Variants in MAP3K5 observed in about 807,000 individuals in gnomAD.
The protein encoded by MAP3K5 is ASK-1.
A neutral mutation model predicts 158.7 loss-of-function variants in MAP3K5; 56 were observed. The observed-to-expected ratio is 0.35, with a 90% confidence interval of 0.28 to 0.44. The LOEUF is 0.44. MAP3K5 is among the 20% of genes least tolerant of loss of function. The probability of loss-of-function intolerance (pLI) is 1.00; values close to 1 mark genes in which losing one functional copy is unlikely to be tolerated. For synonymous variants in MAP3K5, 579 were observed against 601.7 expected (o/e 0.96, Z 0.55); for missense variants, 1,294 against 1,674.8 (o/e 0.77, Z 3.97).
chr6:136,611,469 A>G, intron 17 of MAP3K5, 82 bp from the exon 18 acceptor site: 1 of 710,382 alleles, frequency 1.4e-6, no homozygotes, highest in South Asian at 1.9e-5. Context: ...CCAATTTAAA[A>G]AAAAAAAAGG....
intron 1 of MAP3K5, among the ~76,000 whole-genome samples, chr6:136,751,324 G>A (rs992802297): frequency 5.3e-5 from 8 of 152,192 alleles, no homozygotes; most frequent in Non-Finnish European, 1.0e-4. Flanking sequence ...AGATGGCACT[G>A]CTGTAGCCCA....
chr6:136,756,517 C>T lies in MAP3K5; in HGVS notation c.448+35193G>A, dbSNP rs1783495091. 1.3e-5 allele frequency among the ~76,000 whole-genome samples: 2 copies of T among 152,068 alleles called. 1 individual carries two copies. Among genetic ancestry groups the T allele is most frequent in the Admixed American group, 1.3e-4 (2 of 15,266 alleles). On this transcript the variant is annotated intron_variant, in intron 1 of 29. Coordinates refer to ENST00000359015, the MANE Select transcript of MAP3K5 (RefSeq NM_005923.4). ...AGGCTGGAGTGCAGTGGCGCAATCT[C>T]GGCTCACTGCAACCTCCGCCTCCCT... is the stretch of plus-strand genomic sequence containing the variant.
chr6:136,679,415 T>C (rs1272204240), intron 7 of MAP3K5, among the ~76,000 whole-genome samples: 1 of 152,212 alleles, frequency 6.6e-6, no homozygotes, highest in Non-Finnish European at 1.5e-5. Flanking sequence ...GACACAAAGG[T>C]AATTTAATTA....
intron 1 of MAP3K5, among the ~76,000 whole-genome samples, chr6:136,765,101 T>C (rs1396737050): frequency 2.6e-5 from 4 of 152,224 alleles, no homozygotes; most frequent in Non-Finnish European, 4.4e-5. Context: ...ATCAAATGTA[T>C]AAGACAGTAC....
chr6:136,602,129 T>C (rs1775905319), intron 19 of MAP3K5, 150 bp from the exon 20 acceptor site: 3 of 644,158 alleles, frequency 4.7e-6, no homozygotes, highest in East Asian at 2.7e-5. Flanking sequence ...AGATAAGATG[T>C]GTTTGCTGCA....
chr6:136,771,375 A>G (rs1312004111), intron 1 of MAP3K5, among the ~76,000 whole-genome samples: 1 of 152,164 alleles, frequency 6.6e-6, no homozygotes, highest in Admixed American at 6.5e-5. Flanking sequence ...GACCAGATTG[A>G]GGACTAGCTA....
intron 21 of MAP3K5, among the ~76,000 whole-genome samples, chr6:136,600,742 C>T (rs1048539572): frequency 6.6e-6 from 1 of 152,144 alleles, no homozygotes; most frequent in Non-Finnish European, 1.5e-5. Flanking sequence ...GCATTTACTT[C>T]ACTCAAATTG....
intron 17 of MAP3K5, 66 bp from the exon 18 acceptor site, chr6:136,611,453 G>T: frequency 1.1e-6 from 1 of 871,108 alleles, no homozygotes; most frequent in Non-Finnish European, 1.9e-6. Flanking sequence ...TGTTGACTTG[G>T]TAAGTCCAAT....
At chr6:136,771,278 A>G (rs1784189831) in intron 1 of MAP3K5, among the ~76,000 whole-genome samples, 1 of 152,172 alleles carries the variant, frequency 6.6e-6, no homozygotes, top group African/African-American at 2.4e-5. Context: ...CATTATTATT[A>G]TTATCATTAT....
chr6:136,599,741 T>C (rs1562535823), intron 21 of MAP3K5, among the ~76,000 whole-genome samples: 2 of 152,176 alleles, frequency 1.3e-5, no homozygotes, highest in East Asian at 1.9e-4. Context: ...AGAAGAAATA[T>C]GCATGTCCCA....
chr6:136,658,849 G>A (rs1778880966), intron 9 of MAP3K5, among the ~76,000 whole-genome samples: 1 of 152,184 alleles, frequency 6.6e-6, no homozygotes, highest in Admixed American at 6.5e-5. Context: ...GAAACAAAGG[G>A]CATATGTTTG....
intron 25 of MAP3K5, among the ~76,000 whole-genome samples, chr6:136,570,381 T>C (rs1368622218): frequency 6.6e-6 from 1 of 152,198 alleles, no homozygotes; most frequent in Non-Finnish European, 1.5e-5. Context: ...CTTTTTTATG[T>C]TTCTACTTTT....
chr6:136,783,677 G>A (rs1784715760), intron 1 of MAP3K5, among the ~76,000 whole-genome samples: 1 of 152,206 alleles, frequency 6.6e-6, no homozygotes, highest in Admixed American at 6.5e-5. Context: ...ACAGAAAGGG[G>A]AGCGTGTGAT....
intron 11 of MAP3K5, among the ~76,000 whole-genome samples, chr6:136,644,838 T>C (rs1265814637): frequency 1.3e-5 from 2 of 152,172 alleles, no homozygotes; most frequent in Non-Finnish European, 2.9e-5. Flanking sequence ...CTGTGTGAGG[T>C]GCTTCTTGGA....
intron 14 of MAP3K5, among the ~76,000 whole-genome samples, chr6:136,630,664 C>T (rs1777305438): frequency 6.6e-6 from 1 of 152,190 alleles, no homozygotes; most frequent in African/African-American, 2.4e-5. Flanking sequence ...TAAACAAAAC[C>T]TTATCAAAAC....
intron 20 of MAP3K5, 97 bp downstream of exon 20, chr6:136,601,705 T>G (rs540816274): frequency 1.9e-6 from 2 of 1,040,140 alleles, no homozygotes; most frequent in African/African-American, 3.2e-5. Context: ...TCCAGTGATA[T>G]CTGTAAACAG....
At chr6:136,714,493 T>TA (rs1312165994) in intron 2 of MAP3K5, among the ~76,000 whole-genome samples, 3 of 152,184 alleles carry the variant, frequency 2.0e-5, no homozygotes, top group Non-Finnish European at 4.4e-5. Context: ...AAATGAGCAG[T>TA]AGTTTTCAAC....
chr6:136,591,920 A>G (rs987226573), intron 23 of MAP3K5, among the ~76,000 whole-genome samples: 12 of 152,228 alleles, frequency 7.9e-5, no homozygotes, highest in Non-Finnish European at 1.6e-4. Context: ...GAATGTCACC[A>G]ATGTGAAAAA....
intron 2 of MAP3K5, among the ~76,000 whole-genome samples, chr6:136,716,814 A>ATTTTCT (rs1781550088): frequency 6.6e-6 from 1 of 152,228 alleles, no homozygotes; most frequent in Non-Finnish European, 1.5e-5. Context: ...TTCTCATGAG[A>ATTTTCT]CTTAAAGAAA....
Sources: allele counts gnomAD v4.1 joint callset (sites outside exome capture counted in the v4.1 genomes callset), GRCh38; gene constraint gnomAD v4.1.1; transcripts MANE v1.5; gene names NCBI Gene and HGNC (gene_info 2026-07-23, HGNC 2026-07-21).